Variants in ZFPM1 observed in about 807,000 individuals in gnomAD.
ZFPM1 encodes the protein zinc finger protein, FOG family member 1, also known as zinc finger protein ZFPM1.
A neutral mutation model predicts 46.3 loss-of-function variants in ZFPM1; 28 were observed. The ratio of observed to expected loss-of-function variants is 0.60; its 90% CI spans 0.45 to 0.83. The LOEUF is 0.83. Among genes scored for constraint, ZFPM1 ranks in the 40% least tolerant of loss-of-function variants. The pLI is 0.00. For missense variants in ZFPM1, 1,878 were observed against 1,432.4 expected (o/e 1.31, Z -5.02); for synonymous variants, 957 against 675.9 (o/e 1.42, Z -6.45).
chr16:88,458,014 C>T (rs773605320), intron 1 of ZFPM1, among the ~76,000 whole-genome samples: 6 of 152,210 alleles, frequency 3.9e-5, no homozygotes, highest in Non-Finnish European at 7.3e-5. Context: ...TGCTTAAGAG[C>T]CCTCTCTGTG....
chr16:88,469,575 A>T lies in ZFPM1; in HGVS notation c.40+15897A>T, dbSNP rs1908317875. Reference sequence around the variant, plus strand: ...GGGGGCTTAGGACACCTTAGGGGGCATGCACCTGTGTTCTGCATCCACCCA... The same window carrying T: ...GGGGGCTTAGGACACCTTAGGGGGCTTGCACCTGTGTTCTGCATCCACCCA... On this transcript the variant is annotated intron_variant, in intron 1 of 9. Coordinates refer to ENST00000319555, the MANE Select transcript of ZFPM1 (RefSeq NM_153813.3). This position sits in a 1 kb window ranked among gnomAD's most constrained non-coding sequence, Gnocchi z 4.3. Among the ~76,000 whole-genome samples the T allele has an allele frequency of 6.6e-6, 1 of 152,164 alleles. No individual in the cohort carries two copies. Among genetic ancestry groups the T allele is most frequent in the South Asian group, 2.1e-4 (1 of 4,826 alleles).
At chr16:88,516,027 C>G in intron 4 of ZFPM1, 1 of 397,982 alleles carries the variant, frequency 2.5e-6, no homozygotes, top group Non-Finnish European at 4.4e-6. Context: ...TTGGAGGGCT[C>G]TGTGAGTTCC....
chr16:88,459,767 C>CCCTCCT (rs144775415), intron 1 of ZFPM1, among the ~76,000 whole-genome samples: 6,649 of 51,504 alleles, frequency 0.13, 923 homozygotes, highest in East Asian at 0.24. Flanking sequence ...CTCCCTCTCC[C>CCCTCCT]CCTCCCCCTT....
At chr16:88,463,960 G>A (rs985595414) in intron 1 of ZFPM1, among the ~76,000 whole-genome samples, 7 of 152,246 alleles carry the variant, frequency 4.6e-5, no homozygotes, top group South Asian at 2.1e-4. Flanking sequence ...CACACGTAGG[G>A]CAGGGCCAGC....
At chr16:88,527,205 C>T (rs895183230) in intron 5 of ZFPM1, among the ~76,000 whole-genome samples, 2 of 152,188 alleles carry the variant, frequency 1.3e-5, no homozygotes, top group Non-Finnish European at 2.9e-5. Flanking sequence ...CCGTGATCCC[C>T]GTATCTCCTC....
chr16:88,469,478 A>G lies in ZFPM1; in HGVS notation c.40+15800A>G, dbSNP rs1597232234. Among the ~76,000 whole-genome samples, 1 of 152,116 alleles carries G rather than the reference A, an allele frequency of 6.6e-6. No homozygotes were observed. The highest frequency in any genetic ancestry group is 1.5e-5 in the Non-Finnish European group (1 of 68,004). On this transcript the variant is annotated intron_variant, in intron 1 of 9. Coordinates refer to ENST00000319555, the MANE Select transcript of ZFPM1 (RefSeq NM_153813.3). The surrounding 1 kb of genome is among the most constrained non-coding windows in gnomAD (Gnocchi z 4.3). ...GGGTCCTCCTGTCTGTGGCTGTGGC[A>G]TAGCCTGGAAACCTGGGGTCTTCCA... is the stretch of plus-strand genomic sequence containing the variant.
At chr16:88,532,766 G>T in intron 8 of ZFPM1, 23 bp from the exon 9 acceptor site, 1 of 1,612,968 alleles carries the variant, frequency 6.2e-7, no homozygotes, top group Admixed American at 1.7e-5. Context: ...CCTGGGCCTT[G>T]ACCACCTCGC....
intron 3 of ZFPM1, among the ~76,000 whole-genome samples, chr16:88,511,827 T>G (rs1427829877): frequency 2.0e-5 from 3 of 152,200 alleles, no homozygotes; most frequent in Non-Finnish European, 2.9e-5. Context: ...TCCAGGCACC[T>G]GCATCCACCC....
rs537473872 is a variant in ZFPM1, at chr16:88,486,179, A to T, written c.145+136A>T. ...CAGGAGTCCAGGACAGGCGTCTTCC[A>T]GCCAGAGGCCTGTTGCCCGGAGGCC... On this transcript the variant is annotated intron_variant, in intron 2 of 9. Coordinates refer to ENST00000319555, the MANE Select transcript of ZFPM1 (RefSeq NM_153813.3). 125 of 925,632 alleles carry T rather than the reference A, an allele frequency of 1.4e-4. No homozygotes were observed. In the East Asian group the frequency reaches 2.1e-3, roughly 15 times the overall value. 57.3% of individuals were successfully genotyped at this position (925,632 alleles called of 1,614,324 possible). A position where few individuals can be genotyped will look rare whatever the true frequency, so the allele number is the denominator to read the frequency against.
intron 1 of ZFPM1, among the ~76,000 whole-genome samples, chr16:88,465,975 A>T (rs1026261576): frequency 2.6e-5 from 4 of 152,184 alleles, no homozygotes. Flanking sequence ...GCACGGGGGA[A>T]ACCAAGGCCA....
chr16:88,495,060 A>T (rs1909859615), intron 3 of ZFPM1, among the ~76,000 whole-genome samples: 1 of 152,218 alleles, frequency 6.6e-6, no homozygotes, highest in East Asian at 1.9e-4. Flanking sequence ...CTCATCCTGC[A>T]GGCCCGTCCC....
intron 4 of ZFPM1, among the ~76,000 whole-genome samples, chr16:88,519,583 G>A (rs983135526): frequency 4.0e-5 from 6 of 148,922 alleles, no homozygotes; most frequent in Middle Eastern, 3.5e-3. Context: ...TGAATGGGAG[G>A]GTGGGTGGAT....
intron 3 of ZFPM1, among the ~76,000 whole-genome samples, chr16:88,498,358 A>G (rs916624117): frequency 6.6e-6 from 1 of 152,188 alleles, no homozygotes; most frequent in African/African-American, 2.4e-5. Context: ...GGTGCTGGAT[A>G]GACAGGGATG....
intron 3 of ZFPM1, among the ~76,000 whole-genome samples, chr16:88,498,309 C>T (rs905118756): frequency 6.6e-6 from 1 of 152,290 alleles, no homozygotes; most frequent in Non-Finnish European, 1.5e-5. Flanking sequence ...GCCCCTTCCC[C>T]GGAGGTTTGC....
rs113428919 is a variant in ZFPM1 at position 88,480,138 on chromosome 16, G to C, written c.41-5801G>C. Among the ~76,000 whole-genome samples, 1 of 151,954 alleles carries C rather than the reference G, an allele frequency of 6.6e-6. No individual in the cohort carries two copies. The highest frequency in any genetic ancestry group is 2.4e-5 in the African/African-American group (1 of 41,340). ...TCCTGCTGTTCCTTTCTCCTGGAGCGCTTTTCCCTGGACCCGGTGCTGGCA... is the reference window on the plus strand; with the variant it reads ...TCCTGCTGTTCCTTTCTCCTGGAGCCCTTTTCCCTGGACCCGGTGCTGGCA... On this transcript the variant is annotated intron_variant, in intron 1 of 9. Transcript: ENST00000319555. The surrounding 1 kb of genome is among the most constrained non-coding windows in gnomAD (Gnocchi z 4.9).
chr16:88,497,876 A>G lies in ZFPM1; in HGVS notation c.268+8723A>G, dbSNP rs1183623755. Among the ~76,000 whole-genome samples the G allele has an allele frequency of 6.6e-6, 1 of 152,130 alleles. No individual in the cohort carries two copies. The highest frequency in any genetic ancestry group is 1.9e-4 in the East Asian group (1 of 5,172). On this transcript the variant is annotated intron_variant, in intron 3 of 9. Coordinates refer to ENST00000319555, the MANE Select transcript of ZFPM1 (RefSeq NM_153813.3). This position sits in a 1 kb window ranked among gnomAD's most constrained non-coding sequence, Gnocchi z 5.4. ...GACTAATCTCGCCGGCGGAGCGTCT[A>G]CGCAAACCTCAAGGCCTGCTATCGG...
chr16:88,521,129 G>GA, intron 4 of ZFPM1, among the ~76,000 whole-genome samples: 1 of 151,396 alleles, frequency 6.6e-6, no homozygotes, highest in East Asian at 1.9e-4. Flanking sequence ...TGCATGGATG[G>GA]ATGGATGGAT....
chr16:88,461,008 CGAGGGGTGGGG>C, intron 1 of ZFPM1, among the ~76,000 whole-genome samples: 1 of 37,714 alleles, frequency 2.7e-5, no homozygotes. Flanking sequence ...TGGTGAGGAC[CGAGGGGTGGGG>C]CGGGAGGCCT....
intron 1 of ZFPM1, among the ~76,000 whole-genome samples, chr16:88,456,141 A>C (rs1192052020): frequency 6.6e-6 from 1 of 152,158 alleles, no homozygotes; most frequent in Non-Finnish European, 1.5e-5. Flanking sequence ...CCCCAAACAC[A>C]CTTAATTGCC....
Sources: gnomAD v4.1 joint callset for allele counts (sites outside exome capture counted in the v4.1 genomes callset) on GRCh38, gnomAD v4.1.1 for gene constraint, Gnocchi (gnomAD v3.1) non-coding constraint, MANE v1.5 for transcripts, NCBI Gene and HGNC (gene_info 2026-07-23, HGNC 2026-07-21) for gene names.